GPR158: variants seen among roughly 807,000 people sequenced by gnomAD.
GPR158 encodes the protein G protein-coupled receptor 158.
In GPR158, 30 loss-of-function variants were observed where a neutral mutation model predicts 78.2. The ratio of observed to expected loss-of-function variants is 0.38; its 90% CI spans 0.29 to 0.52. The LOEUF is 0.52. Ranked by LOEUF, GPR158 falls within the 20% of genes least tolerant of loss-of-function variation. GPR158 has a pLI of 0.83. For missense variants in GPR158, 1,463 were observed against 1,523.5 expected (o/e 0.96, Z 0.66); for synonymous variants, 581 against 591.1 (o/e 0.98, Z 0.25).
intron 2 of GPR158, among the ~76,000 whole-genome samples, chr10:25,344,864 C>T (rs992277885): frequency 4.6e-5 from 7 of 152,070 alleles, no homozygotes; most frequent in African/African-American, 1.7e-4. Context: ...ATCAAGGTGC[C>T]AGCAGATTTT....
At chr10:25,194,356 T>C (rs1398373521) in intron 1 of GPR158, among the ~76,000 whole-genome samples, 2 of 152,088 alleles carry the variant, frequency 1.3e-5, no homozygotes, top group East Asian at 1.9e-4. Context: ...CTGGCCAACA[T>C]GGTGAAACCC....
At chr10:25,423,033 T>A (rs189322330) in intron 4 of GPR158, among the ~76,000 whole-genome samples, 18 of 152,104 alleles carry the variant, frequency 1.2e-4, no homozygotes, top group African/African-American at 4.3e-4. Context: ...TGCCATTGTT[T>A]TACATTTTAT....
In GPR158 at chr10:25,598,180, C is replaced by T. The variant is rs1042304499; in HGVS notation, c.2554C>T (p.Leu852=). 6.2e-6 allele frequency: 10 copies of T among 1,614,052 alleles called. No individual in the cohort carries two copies. In the African/African-American group the frequency reaches 1.3e-4, roughly 22 times the overall value. The change falls in exon 11 of 11, where the codon CTG becomes TTG. Residue 852 remains leucine (L), a synonymous_variant. Coordinates refer to ENST00000376351, the MANE Select transcript of GPR158 (RefSeq NM_020752.3). ...ETTENSTLES[L]SGKKLTQKLK... ...AACAGAAAATTCCACACTGGAATCCCTGTCGGGTAAAAAACTAACACAAAA... is the reference window on the plus strand; with the variant it reads ...AACAGAAAATTCCACACTGGAATCCTTGTCGGGTAAAAAACTAACACAAAA...
At chr10:25,293,460 A>G (rs939162599) in intron 2 of GPR158, among the ~76,000 whole-genome samples, 2 of 152,194 alleles carry the variant, frequency 1.3e-5, no homozygotes, top group African/African-American at 4.8e-5. Flanking sequence ...TACCTAACGC[A>G]TGGCTATCAA....
intron 2 of GPR158, among the ~76,000 whole-genome samples, chr10:25,337,533 T>G (rs1313733807): frequency 6.6e-6 from 1 of 152,098 alleles, no homozygotes; most frequent in African/African-American, 2.4e-5. Context: ...ATTCCACAGT[T>G]TATCCATTTT....
intron 7 of GPR158, among the ~76,000 whole-genome samples, chr10:25,583,729 A>C (rs1008748663): frequency 6.6e-6 from 1 of 152,236 alleles, no homozygotes; most frequent in Non-Finnish European, 1.5e-5. Flanking sequence ...GGACATTAAA[A>C]GAGACACTTG....
chr10:25,179,175 G>T (rs751115860), intron 1 of GPR158, among the ~76,000 whole-genome samples: 1 of 152,132 alleles, frequency 6.6e-6, no homozygotes, highest in Non-Finnish European at 1.5e-5. Flanking sequence ...TATCATCTAA[G>T]ATATGCATTC....
At chr10:25,239,659 C>A (rs1037855342) in intron 2 of GPR158, among the ~76,000 whole-genome samples, 1 of 151,864 alleles carries the variant, frequency 6.6e-6, no homozygotes, top group African/African-American at 2.4e-5. Context: ...GCACACTACC[C>A]TGTATTTTCT....
intron 4 of GPR158, among the ~76,000 whole-genome samples, chr10:25,464,396 C>A (rs962111525): frequency 6.6e-6 from 1 of 152,150 alleles, no homozygotes; most frequent in Non-Finnish European, 1.5e-5. Context: ...GGATCCCAAG[C>A]ATTAAACAAA....
chr10:25,361,033 C>T (rs1855631582), intron 2 of GPR158, among the ~76,000 whole-genome samples: 1 of 151,878 alleles, frequency 6.6e-6, no homozygotes, highest in African/African-American at 2.4e-5. Flanking sequence ...ATCTTCAGAA[C>T]ATTTTCATCT....
chr10:25,496,447 G>T (rs1835881794), intron 5 of GPR158, among the ~76,000 whole-genome samples: 2 of 152,172 alleles, frequency 1.3e-5, no homozygotes, highest in Non-Finnish European at 2.9e-5. Context: ...CTAAACAAAT[G>T]AAGCAGACTT....
At chr10:25,239,576 T>G (rs1291660247) in intron 2 of GPR158, among the ~76,000 whole-genome samples, 1 of 147,420 alleles carries the variant, frequency 6.8e-6, no homozygotes, top group Non-Finnish European at 1.5e-5. Flanking sequence ...CCACAGAACT[T>G]CAGCTTGGGT....
chr10:25,490,567 G>T (rs1383889161), intron 5 of GPR158, among the ~76,000 whole-genome samples: 31 of 147,442 alleles, frequency 2.1e-4, no homozygotes, highest in East Asian at 1.6e-3. Flanking sequence ...CTTGCGATAG[G>T]TTACTGAGAA....
intron 2 of GPR158, among the ~76,000 whole-genome samples, chr10:25,315,256 A>G (rs1323616772): frequency 6.6e-6 from 1 of 152,078 alleles, no homozygotes; most frequent in Admixed American, 6.5e-5. Flanking sequence ...CTTCTTGCAT[A>G]TCTTGTCATT....
intron 3 of GPR158, among the ~76,000 whole-genome samples, chr10:25,404,584 G>T (rs1022826803): frequency 1.3e-5 from 2 of 151,998 alleles, no homozygotes. Context: ...TCTCCTACTT[G>T]AGGAAGATAA....
chr10:25,597,735 A>AT, intron 10 of GPR158, 37 bp from the exon 11 acceptor site: 1 of 1,476,020 alleles, frequency 6.8e-7, no homozygotes, highest in Non-Finnish European at 9.0e-7. Flanking sequence ...GGAACACTAA[A>AT]TTCTACACTT....
At chr10:25,489,627 G>A (rs1835778454) in intron 5 of GPR158, among the ~76,000 whole-genome samples, 1 of 151,892 alleles carries the variant, frequency 6.6e-6, no homozygotes, top group Non-Finnish European at 1.5e-5. Flanking sequence ...CCTTCTTCAG[G>A]TATTTAGCTT....
chr10:25,286,586 T>C (rs1854354103), intron 2 of GPR158, among the ~76,000 whole-genome samples: 1 of 152,082 alleles, frequency 6.6e-6, no homozygotes. Context: ...GATCACTTTG[T>C]GTCTTGACAG....
At chr10:25,362,408 T>C (rs977824876) in intron 2 of GPR158, among the ~76,000 whole-genome samples, 1 of 151,948 alleles carries the variant, frequency 6.6e-6, no homozygotes, top group Non-Finnish European at 1.5e-5. Flanking sequence ...AAATTTTTTT[T>C]TCTTCAATAT....
Sources: allele counts gnomAD v4.1 joint callset (sites outside exome capture counted in the v4.1 genomes callset), GRCh38; gene constraint gnomAD v4.1.1; transcripts MANE v1.5; gene names NCBI Gene and HGNC (gene_info 2026-07-23, HGNC 2026-07-21).